The following LEF1 variants were observed in gnomAD, a reference collection of about 807,000 sequenced individuals.
The protein encoded by LEF1 is lymphoid enhancer-binding factor 1.
A neutral mutation model predicts 51.2 loss-of-function variants in LEF1; 14 were observed. The ratio of observed to expected loss-of-function variants is 0.27; its 90% CI spans 0.18 to 0.43. LEF1 has a LOEUF of 0.43. LEF1 is among the 20% of genes least tolerant of loss of function. The probability of loss-of-function intolerance (pLI) is 1.00; values close to 1 mark genes in which losing one functional copy is unlikely to be tolerated. For missense variants in LEF1, 386 were observed against 512.0 expected (o/e 0.75, Z 2.37); for synonymous variants, 185 against 183.2 (o/e 1.01, Z -0.08).
At chr4:108,166,879 G>T in intron 1 of LEF1, 1 of 931,056 alleles carries the variant, frequency 1.1e-6, no homozygotes, top group Non-Finnish European at 1.3e-6. Flanking sequence ...CCTTGCGGTG[G>T]GTCGGCTCGG....
At chr4:108,148,937 A>G (rs1329562800) in intron 3 of LEF1, among the ~76,000 whole-genome samples, 1 of 152,196 alleles carries the variant, frequency 6.6e-6, no homozygotes, top group Non-Finnish European at 1.5e-5. Flanking sequence ...CACGGATATC[A>G]AAGATAGCAC....
chr4:108,142,044 T>C (rs920646420), intron 3 of LEF1, among the ~76,000 whole-genome samples: 1 of 152,178 alleles, frequency 6.6e-6, no homozygotes, highest in Non-Finnish European at 1.5e-5. Context: ...AATGAACTGA[T>C]GGCTAAATAC....
chr4:108,064,427 T>C, intron 9 of LEF1, 43 bp from the exon 10 acceptor site: 2 of 1,449,460 alleles, frequency 1.4e-6, no homozygotes, highest in Non-Finnish European at 1.9e-6. Context: ...GATTGTACCA[T>C]GAACACACAG....
intron 3 of LEF1, among the ~76,000 whole-genome samples, chr4:108,120,026 T>C (rs999094564): frequency 1.3e-5 from 2 of 150,646 alleles, no homozygotes; most frequent in Non-Finnish European, 3.0e-5. Context: ...TGTGTGTGTG[T>C]GTGTGTATGT....
Position 108,077,826 on chromosome 4 carries a change from C to G in LEF1, c.1008+394G>C, listed in dbSNP as rs1279414851. 2.6e-5 allele frequency among the ~76,000 whole-genome samples: 4 copies of G among 152,228 alleles called. No individual in the cohort carries two copies. The East Asian group carries it at 7.7e-4, about 29-fold the overall frequency. ...TTGTGTGTGATCTTCCTGCCCTCCC[C>G]AAGTTTGCATTTTCAACATTAAAGT... On this transcript the variant is annotated intron_variant, in intron 8 of 11. Transcript: ENST00000265165.
At chr4:108,110,949 T>C (rs1741495169) in intron 3 of LEF1, among the ~76,000 whole-genome samples, 2 of 152,296 alleles carry the variant, frequency 1.3e-5, no homozygotes, top group Admixed American at 1.3e-4. Context: ...TCAATGAAGA[T>C]GAACACTTAC....
intron 11 of LEF1, among the ~76,000 whole-genome samples, chr4:108,049,957 TAAAGTGCTCAC>T (rs1736871929): frequency 1.3e-5 from 2 of 152,200 alleles, no homozygotes; most frequent in African/African-American, 2.4e-5. Context: ...CTCCTATATT[TAAAGTGCTCAC>T]AAAGTGCACA....
chr4:108,102,460 C>T (rs892607306), intron 3 of LEF1, among the ~76,000 whole-genome samples: 4 of 152,088 alleles, frequency 2.6e-5, no homozygotes, highest in Non-Finnish European at 5.9e-5. Context: ...TGACCTGCCT[C>T]GAATCTCTAC....
At chr4:108,057,524 C>G (rs1370615541) in intron 11 of LEF1, among the ~76,000 whole-genome samples, 1 of 152,126 alleles carries the variant, frequency 6.6e-6, no homozygotes, top group South Asian at 2.1e-4. Flanking sequence ...TCTAAGAGGA[C>G]AGGGCTAAAT....
chr4:108,143,562 C>G (rs1481526359), intron 3 of LEF1, among the ~76,000 whole-genome samples: 1 of 152,200 alleles, frequency 6.6e-6, no homozygotes, highest in Admixed American at 6.5e-5. Context: ...CATTAGCCTT[C>G]TCTTGCAAAG....
intron 6 of LEF1, 41 bp from the exon 7 acceptor site, chr4:108,079,655 G>A: frequency 6.2e-7 from 1 of 1,611,424 alleles, no homozygotes; most frequent in Non-Finnish European, 8.5e-7. Context: ...ACTACTGGCT[G>A]TTGCAGCAAA....
intron 3 of LEF1, among the ~76,000 whole-genome samples, chr4:108,094,559 T>C (rs754243211): frequency 3.3e-5 from 5 of 152,180 alleles, no homozygotes; most frequent in African/African-American, 4.8e-5. Context: ...GTGGTTCAAC[T>C]CCCTACTGGC....
chr4:108,073,576 T>C (rs1443108160), intron 8 of LEF1, among the ~76,000 whole-genome samples: 1 of 152,210 alleles, frequency 6.6e-6, no homozygotes, highest in Non-Finnish European at 1.5e-5. Flanking sequence ...CTTTTATTAC[T>C]GTATCAGTAT....
intron 3 of LEF1, among the ~76,000 whole-genome samples, chr4:108,148,275 A>AT (rs910408760): frequency 1.1e-4 from 5 of 43,538 alleles, no homozygotes; most frequent in Middle Eastern, 0.015. Flanking sequence ...TGCTCTTTTA[A>AT]TAAAAAAAAA....
intron 1 of LEF1, among the ~76,000 whole-genome samples, chr4:108,165,959 T>A (rs1745362891): frequency 6.6e-6 from 1 of 152,026 alleles, no homozygotes; most frequent in Admixed American, 6.5e-5. Flanking sequence ...ACCAGAAAAT[T>A]GTGGAGAATA....
Position 108,167,948 on chromosome 4 carries a change from G to C in LEF1, c.-181C>G, listed in dbSNP as rs979731233. On this transcript the variant is annotated 5_prime_UTR_variant, in exon 1 of 12. Transcript: ENST00000265165. This position sits in a 1 kb window ranked among gnomAD's most constrained non-coding sequence, Gnocchi z 5.7. Reference sequence around the variant, plus strand: ...CCGGCCGGCAGCCGGAGCAGCTGCCGCGGCGCCCGAATCCCGGCGGCCGCC... The same window carrying C: ...CCGGCCGGCAGCCGGAGCAGCTGCCCCGGCGCCCGAATCCCGGCGGCCGCC... The C allele has an allele frequency of 3.4e-5, 12 of 349,778 alleles. No individual in the cohort carries two copies. Among genetic ancestry groups the C allele is most frequent in the Admixed American group, 9.8e-5 (2 of 20,374 alleles). 21.7% of individuals were successfully genotyped at this position (349,778 alleles called of 1,614,324 possible). A position where few individuals can be genotyped will look rare whatever the true frequency, so the allele number is the denominator to read the frequency against.
intron 3 of LEF1, among the ~76,000 whole-genome samples, chr4:108,109,763 C>T (rs1436844015): frequency 1.3e-5 from 2 of 152,108 alleles, no homozygotes. Context: ...TAAACTATGG[C>T]CTCTTACTGT....
At chr4:108,162,644 A>T (rs1267506731) in intron 3 of LEF1, among the ~76,000 whole-genome samples, 5 of 152,132 alleles carry the variant, frequency 3.3e-5, no homozygotes, top group African/African-American at 4.8e-5. Flanking sequence ...TGAGACTGGA[A>T]CCCTAATCCC....
Position 108,135,414 on chromosome 4 carries a change from G to A in LEF1, c.414+28154C>T, listed in dbSNP as rs144442092. On this transcript the variant is annotated intron_variant, in intron 3 of 11. Transcript: ENST00000265165. The stretch of plus-strand genomic sequence containing the variant: ...GTTTAGCCTGGAAGAGTGATAAAGG[G>A]TAGGAGGAGGCAAATGACAGCAGGC... Among the ~76,000 whole-genome samples, 5 of 152,340 alleles carry A rather than the reference G, an allele frequency of 3.3e-5. No homozygotes were observed. In the South Asian group the frequency reaches 8.3e-4, roughly 25 times the overall value.
Sources: allele counts gnomAD v4.1 joint callset (sites outside exome capture counted in the v4.1 genomes callset), GRCh38; gene constraint gnomAD v4.1.1; non-coding constraint Gnocchi (gnomAD v3.1); transcripts MANE v1.5; gene names NCBI Gene and HGNC (gene_info 2026-07-23, HGNC 2026-07-21).